The following EYS variants were observed in gnomAD, a reference collection of about 807,000 sequenced individuals.
EYS encodes the protein EGF-like photoreceptor maintenance factor.
Under a neutral mutation model 282.1 loss-of-function variants are expected in EYS, and 250 were observed. The ratio of observed to expected loss-of-function variants is 0.89; its 90% confidence interval spans 0.80 to 0.98. The LOEUF (loss-of-function observed/expected upper bound fraction) is 0.98. Among genes scored for constraint, EYS ranks in the 50% least tolerant of loss-of-function variants. The pLI is 0.00. For synonymous variants in EYS, 1,355 were observed against 1,282.9 expected, an observed-to-expected ratio of 1.06 and a Z score of -1.20; for missense variants, 4,016 against 3,709.0, an observed-to-expected ratio of 1.08 and a Z score of -2.15.
At chr6:65,273,113 A>T (rs1247786849) in intron 12 of EYS, among the ~76,000 whole-genome samples, 1 of 152,202 alleles carries the variant, frequency 6.6e-6, no homozygotes, top group Non-Finnish European at 1.5e-5. Context: ...AGGGAGAAAG[A>T]TGATGTGAGA....
chr6:65,279,409 A>G (rs1768156214), intron 12 of EYS, among the ~76,000 whole-genome samples: 1 of 152,006 alleles, frequency 6.6e-6, no homozygotes. Context: ...ATCTTCTCCT[A>G]TTGCCTCACT....
At chr6:65,252,508 T>C (rs1285065707) in intron 12 of EYS, among the ~76,000 whole-genome samples, 1 of 151,944 alleles carries the variant, frequency 6.6e-6, no homozygotes, top group Non-Finnish European at 1.5e-5. Context: ...ATATCCTCAA[T>C]AGGATTTAAA....
At chr6:64,436,333 T>G (rs1554161340) in intron 27 of EYS, 68 bp from the exon 28 acceptor site, 1 of 766,724 alleles carries the variant, frequency 1.3e-6, no homozygotes, top group South Asian at 1.7e-5. Flanking sequence ...ATATTTGCAC[T>G]GGACTTTATT....
intron 22 of EYS, among the ~76,000 whole-genome samples, chr6:64,688,226 C>A (rs968173195): frequency 2.6e-5 from 4 of 152,086 alleles, no homozygotes; most frequent in Non-Finnish European, 5.9e-5. Context: ...CTATCTCCTT[C>A]AGTTCTGCTT....
intron 30 of EYS, among the ~76,000 whole-genome samples, chr6:64,240,758 G>A (rs1001002997): frequency 6.6e-5 from 10 of 152,130 alleles, no homozygotes; most frequent in Non-Finnish European, 8.8e-5. Flanking sequence ...TCTCTTGCCT[G>A]ATTGCCCTGG....
chr6:64,881,793 A>C (rs940185650), intron 19 of EYS, among the ~76,000 whole-genome samples: 1 of 151,874 alleles, frequency 6.6e-6, no homozygotes, highest in Non-Finnish European at 1.5e-5. Flanking sequence ...ATAAATCTTC[A>C]ATGTAAACTC....
In EYS at chr6:63,778,441, C is replaced by A. The variant is rs75428001; in HGVS notation, c.7724-261G>T. 9.9e-5 allele frequency among the ~76,000 whole-genome samples: 15 copies of A among 151,746 alleles called. No homozygotes were observed. The East Asian group carries it at 2.9e-3, about 29-fold the overall frequency. On this transcript the variant is annotated intron_variant, in intron 39 of 42. Coordinates refer to ENST00000503581, the MANE Select transcript of EYS (RefSeq NM_001142800.2). ...TTTTTTCTATGCTTAGTCATATTTT[C>A]TTTTAAACAAAAATGCAATCTGCAC...
At chr6:65,539,100 A>C (rs1028469474) in intron 2 of EYS, among the ~76,000 whole-genome samples, 1 of 152,238 alleles carries the variant, frequency 6.6e-6, no homozygotes, top group African/African-American at 2.4e-5. Context: ...CAAAATATAT[A>C]AACTCTGCAG....
At chr6:65,458,724 C>T (rs1764716125) in intron 5 of EYS, among the ~76,000 whole-genome samples, 1 of 152,096 alleles carries the variant, frequency 6.6e-6, no homozygotes, top group Non-Finnish European at 1.5e-5. Flanking sequence ...ATCTAAGCTA[C>T]CTGTTTATAT....
At position 63,753,341 on chromosome 6, in the gene EYS, C is replaced by A. The variant is rs564363374; in HGVS notation, c.8071+9120G>T. 9.9e-5 allele frequency among the ~76,000 whole-genome samples: 15 copies of A among 151,748 alleles called. No individual in the cohort carries two copies. In the East Asian group the frequency reaches 2.7e-3, roughly 27 times the overall value. On this transcript the variant is annotated intron_variant, in intron 41 of 42. Transcript: ENST00000503581. ...GATTCCATTGATTATGTACATGTGT[C>A]ATCTAGGTTTTTAAATTTTGAATAA...
intron 2 of EYS, among the ~76,000 whole-genome samples, chr6:65,522,893 T>A (rs1462007688): frequency 1.3e-5 from 2 of 152,170 alleles, no homozygotes. Context: ...AACAATTTAG[T>A]GTAACATTTA....
At chr6:65,064,058 A>G (rs929350172) in intron 12 of EYS, among the ~76,000 whole-genome samples, 1 of 149,722 alleles carries the variant, frequency 6.7e-6, no homozygotes, top group Non-Finnish European at 1.5e-5. Flanking sequence ...ATGCTCTGCC[A>G]TATACTAATA....
chr6:65,405,456 A>G, intron 5 of EYS, 89 bp from the exon 6 acceptor site: 1 of 1,032,842 alleles, frequency 9.7e-7, no homozygotes, highest in Non-Finnish European at 1.5e-6. Context: ...ATTCTAGAAA[A>G]TTTCTCTAGA....
chr6:65,343,858 G>A lies in EYS; in HGVS notation c.1599+180C>T, dbSNP rs78419333. ...CTTTCCCATATTATAAATGTATGAC[G>A]TAAATATAAATTTCCAAGTAGACTG... is the stretch of plus-strand genomic sequence containing the variant. On this transcript the variant is annotated intron_variant, in intron 10 of 42. Coordinates refer to ENST00000503581, the MANE Select transcript of EYS (RefSeq NM_001142800.2). Among the ~76,000 whole-genome samples, 2,710 of 151,486 alleles carry A rather than the reference G, an allele frequency of 0.018. 86 individuals carry two copies. The highest frequency in any genetic ancestry group is 0.063 in the African/African-American group (2,598 of 41,404).
chr6:65,091,489 G>A lies in EYS; in HGVS notation c.2024-33762C>T, dbSNP rs182791434. 1.7e-3 allele frequency among the ~76,000 whole-genome samples: 193 copies of A among 116,710 alleles called. 3 individuals are homozygous for A. The highest frequency in any genetic ancestry group is 1.9e-3 in the Non-Finnish European group (103 of 53,492). 76.6% of individuals were successfully genotyped at this position (116,710 alleles called of 152,430 possible). ...TAAATAAATAAATAAATAAATAACT[G>A]CTTAATAATAAAAAGAAGTTAGATA... is the stretch of plus-strand genomic sequence containing the variant. On this transcript the variant is annotated intron_variant, in intron 12 of 42. Coordinates refer to ENST00000503581, the MANE Select transcript of EYS (RefSeq NM_001142800.2).
intron 26 of EYS, among the ~76,000 whole-genome samples, chr6:64,450,825 A>G (rs1775302971): frequency 1.3e-5 from 2 of 152,220 alleles, no homozygotes; most frequent in South Asian, 2.1e-4. Flanking sequence ...CAAAGACACA[A>G]CATATCAGAA....
At chr6:63,984,773 G>A (rs1238898026) in intron 34 of EYS, among the ~76,000 whole-genome samples, 170 bp from the exon 35 acceptor site, 1 of 151,712 alleles carries the variant, frequency 6.6e-6, no homozygotes, top group Non-Finnish European at 1.5e-5. Context: ...GAGATAGACT[G>A]TTTTAGAAAA....
chr6:63,788,167 C>T lies in EYS; in HGVS notation c.7661G>A (p.Gly2554Asp). 1 of 1,548,972 alleles carries T rather than the reference C, an allele frequency of 6.5e-7. No homozygotes were observed. The highest frequency in any genetic ancestry group is 8.7e-7 in the Non-Finnish European group (1 of 1,145,906). The change falls in exon 39 of 43, where the codon GGC (glycine) becomes GAC (aspartate). Residue 2554 changes from glycine to aspartate, a missense_variant. Gly to Asp is a moderately conservative substitution (Grantham distance 94). Transcript: ENST00000503581. Reference sequence around the variant, plus strand: ...GAGATCTGGAGTGTATTCACTGTAGCCACCTACATAAAACTGACTGAAGAC... The same window carrying T: ...GAGATCTGGAGTGTATTCACTGTAGTCACCTACATAAAACTGACTGAAGAC... ...LNVFSQFYVG[G>D]YSEYTPDLLP...
intron 29 of EYS, among the ~76,000 whole-genome samples, chr6:64,385,291 A>C (rs1249923268): frequency 6.6e-6 from 1 of 152,210 alleles, no homozygotes; most frequent in African/African-American, 2.4e-5. Flanking sequence ...TAGCAATATA[A>C]GTGTATGTCT....
Sources: gnomAD v4.1 joint callset for allele counts (sites outside exome capture counted in the v4.1 genomes callset) on GRCh38, gnomAD v4.1.1 for gene constraint, MANE v1.5 for transcripts, NCBI Gene and HGNC (gene_info 2026-07-23, HGNC 2026-07-21) for gene names.